Variants in RGL4 observed in about 807,000 individuals in gnomAD.
RGL4 encodes ral guanine nucleotide dissociation stimulator like 4, also known as ral-GDS-related protein.
In RGL4, 41 loss-of-function variants were observed where a neutral mutation model predicts 49.6. The observed-to-expected ratio is 0.83, with a 90% CI of 0.64 to 1.07. The LOEUF (loss-of-function observed/expected upper bound fraction) is 1.07. Among genes scored for constraint, RGL4 ranks in the 50% least tolerant of loss-of-function variants. The probability of loss-of-function intolerance (pLI) is 0.00; values close to 1 mark genes in which losing one functional copy is unlikely to be tolerated. For synonymous variants in RGL4, 255 were observed against 238.0 expected, an observed-to-expected ratio of 1.07 and a Z score of -0.66; for missense variants, 610 against 591.9, an observed-to-expected ratio of 1.03 and a Z score of -0.32.
chr22:23,694,775 G>A, intron 5 of RGL4, 175 bp from the exon 6 acceptor site: 1 of 635,186 alleles, frequency 1.6e-6, no homozygotes, highest in Non-Finnish European at 2.8e-6. Flanking sequence ...GGGGCCCAGG[G>A]GAGGAGCATG....
At position 23,694,490 on chromosome 22, in the gene RGL4, T is replaced by C. The variant is rs950470859; in HGVS notation, c.1016+40T>C. ...CTCCATGGCAGCATCAGGGTTGACC[T>C]AGGGACTCACAGGTCTCCCCCCATG... On this transcript the variant is annotated intron_variant, in intron 5 of 10. Transcript: ENST00000290691. The C allele has an allele frequency of 2.1e-6, 3 of 1,416,684 alleles. No homozygotes were observed. The Admixed American group carries it at 5.3e-5, about 25-fold the overall frequency. 87.8% of individuals were successfully genotyped at this position (1,416,684 alleles called of 1,614,324 possible).
In RGL4 at chr22:23,699,117, A is replaced by G. The variant is rs1481681962; in HGVS notation, c.*234A>G. 4 of 1,508,292 alleles carry G rather than the reference A, an allele frequency of 2.7e-6. No individual in the cohort carries two copies. The highest frequency in any genetic ancestry group is 2.1e-5 in the Admixed American group (1 of 47,234). 93.4% of individuals were successfully genotyped at this position (1,508,292 alleles called of 1,614,324 possible). A position where few individuals can be genotyped will look rare whatever the true frequency, so the allele number is the denominator to read the frequency against. On this transcript the variant is annotated 3_prime_UTR_variant, in exon 11 of 11. Transcript: ENST00000290691. ...ATTTTATGTTTATTTTCTTTAGTGT[A>G]TAAGTAAGGGTTTTTTCTTAACTTT...
In RGL4 at chr22:23,697,246, G is replaced by GT; in HGVS notation, c.1236+2dup. On this transcript the variant is annotated splice_donor_variant, in intron 8 of 10. Coordinates refer to ENST00000290691, the MANE Select transcript of RGL4 (RefSeq NM_153615.2). LOFTEE classifies it high-confidence loss of function. ...TTCGGCCATCCCGGACGACCTGGAT[G>GT]TGAGTGAGCCTGGGGCAGGGTGCTT... 2 of 1,612,666 alleles carry GT rather than the reference G, an allele frequency of 1.2e-6. No homozygotes were observed. The highest frequency in any genetic ancestry group is 1.7e-6 in the Non-Finnish European group (2 of 1,178,834).
At position 23,692,904 on chromosome 22, in the gene RGL4, T is replaced by C. The variant is rs1309826922; in HGVS notation, c.609T>C (p.Ser203=). The change falls in exon 3 of 11, where the codon TCT becomes TCC. Residue 203 remains serine (S), a synonymous_variant. Coordinates refer to ENST00000290691, the MANE Select transcript of RGL4 (RefSeq NM_153615.2). ...APESSCPCRG[S]VKNQPSEELP... ...AGTCCTCCTGTCCCTGTCGTGGGTC[T>C]GTAAAGAACCAACCCAGTGAGGAGC... The C allele has an allele frequency of 1.2e-6, 2 of 1,613,646 alleles. No homozygotes were observed. Among genetic ancestry groups the C allele is most frequent in the Non-Finnish European group, 1.7e-6 (2 of 1,180,028 alleles).
chr22:23,698,038 G>C, intron 9 of RGL4, 174 bp from the exon 10 acceptor site: 1 of 1,170,836 alleles, frequency 8.5e-7, no homozygotes, highest in Non-Finnish European at 1.2e-6. Context: ...TGGAATCAAA[G>C]ACCAATTCCT....
At chr22:23,696,571 AGAG>A (rs1231447234) in intron 6 of RGL4, 40 bp from the exon 7 acceptor site, 2 of 1,612,268 alleles carry the variant, frequency 1.2e-6, no homozygotes, top group African/African-American at 1.3e-5. Context: ...TAACTGGGGG[AGAG>A]GAGGAGAGCC....
intron 3 of RGL4, among the ~76,000 whole-genome samples, 161 bp from the exon 4 acceptor site, chr22:23,693,598 G>C (rs1004836368): frequency 2.0e-5 from 3 of 152,234 alleles, no homozygotes; most frequent in African/African-American, 7.2e-5. Context: ...ACCAAACCCA[G>C]GGACTCCCAC....
At chr22:23,698,178 C>A in intron 9 of RGL4, 34 bp from the exon 10 acceptor site, 1 of 1,586,186 alleles carries the variant, frequency 6.3e-7, no homozygotes, top group Non-Finnish European at 8.6e-7. Context: ...AACTTCCACC[C>A]AGGCCCTGTC....
chr22:23,696,179 C>A (rs1387102158), intron 6 of RGL4: 1 of 626,810 alleles, frequency 1.6e-6, no homozygotes, highest in Admixed American at 4.8e-5. Flanking sequence ...TCTTTGGGGG[C>A]CCTGGGGAGC....
At chr22:23,694,916 C>G in intron 5 of RGL4, 34 bp from the exon 6 acceptor site, 1 of 1,574,804 alleles carries the variant, frequency 6.3e-7, no homozygotes, top group Non-Finnish European at 8.7e-7. Context: ...CCCTGATTCC[C>G]AAATTTACCC....
chr22:23,694,542 T>TG, intron 5 of RGL4, 92 bp downstream of exon 5: 1 of 896,040 alleles, frequency 1.1e-6, no homozygotes, highest in Non-Finnish European at 1.8e-6. Flanking sequence ...GAAAGGTTCT[T>TG]GGAGTCCAGG....
chr22:23,697,987 A>C, intron 9 of RGL4, 126 bp downstream of exon 9: 7 of 1,267,904 alleles, frequency 5.5e-6, no homozygotes, highest in Non-Finnish European at 7.8e-6. Flanking sequence ...TGACACACAC[A>C]GGAGGAGGGG....
chr22:23,692,126 T>TG lies in RGL4; in HGVS notation c.99dup (p.Thr34AspfsTer24). ...AGGGCCTTTGGGAAGAGAATGTCTG[T>TG]GGGACGCCAGGGCGCACGAGGGTCT... is the stretch of plus-strand genomic sequence containing the variant. On this transcript the variant is annotated frameshift_variant, in exon 1 of 11. Transcript: ENST00000290691. LOFTEE classifies it high-confidence loss of function. The TG allele has an allele frequency of 6.2e-7, 1 of 1,614,140 alleles. No homozygotes were observed. The highest frequency in any genetic ancestry group is 8.5e-7 in the Non-Finnish European group (1 of 1,179,996).
intron 7 of RGL4, 32 bp downstream of exon 7, chr22:23,696,720 G>T: frequency 6.3e-7 from 1 of 1,588,340 alleles, no homozygotes. Flanking sequence ...ACGGGCCGCA[G>T]GGGATCAGAG....
intron 6 of RGL4, chr22:23,695,289 G>A (rs1338305656): frequency 1.1e-5 from 5 of 469,024 alleles, no homozygotes; most frequent in Non-Finnish European, 2.0e-5. Context: ...GCTGAGCAGG[G>A]GTGATGAGCT....
At chr22:23,695,351 A>T in intron 6 of RGL4, 1 of 465,956 alleles carries the variant, frequency 2.1e-6, no homozygotes, top group Non-Finnish European at 4.1e-6. Flanking sequence ...GCTGGCATGG[A>T]GCTTCCTCCA....
chr22:23,692,709 G>T lies in RGL4; in HGVS notation c.414G>T (p.Pro138=). 1.2e-6 allele frequency: 2 copies of T among 1,611,670 alleles called. No individual in the cohort carries two copies. The highest frequency in any genetic ancestry group is 1.7e-6 in the Non-Finnish European group (2 of 1,178,986). The change falls in exon 3 of 11, where the codon CCG becomes CCT. Residue 138 remains proline (P), a synonymous_variant. Coordinates refer to ENST00000290691, the MANE Select transcript of RGL4 (RefSeq NM_153615.2). ...CTGGGCAACACGCATTAACAATGCCGGCCCTGGAGCCAGCACCACCACTGC... is the reference window on the plus strand; with the variant it reads ...CTGGGCAACACGCATTAACAATGCCTGCCCTGGAGCCAGCACCACCACTGC... ...PRPGQHALTM[P]ALEPAPPLLA...
At position 23,692,981 on chromosome 22, in the gene RGL4, T is replaced by C; in HGVS notation, c.686T>C (p.Leu229Pro). Residue 229 changes from leucine to proline, a missense_variant, in exon 3 of 11, where the codon CTC (leucine) becomes CCC (proline). Transcript: ENST00000290691. The stretch of plus-strand genomic sequence containing the variant: ...AGGCTGCTGGCAGAGCAGCTGACCC[T>C]CATGGATGCGGTGAGCAGCTGAGCT... ...PPRLLAEQLT[L>P]MDAELFKKVV... 1 of 1,602,634 alleles carries C rather than the reference T, an allele frequency of 6.2e-7. No individual in the cohort carries two copies. Among genetic ancestry groups the C allele is most frequent in the African/African-American group, 1.3e-5 (1 of 74,924 alleles).
At chr22:23,692,551 A>G in intron 2 of RGL4, 23 bp downstream of exon 2, 1 of 1,602,462 alleles carries the variant, frequency 6.2e-7, no homozygotes, top group Non-Finnish European at 8.5e-7. Context: ...GCAGTCTGCA[A>G]GACTTTCCGG....
Sources: gnomAD v4.1 joint callset for allele counts (sites outside exome capture counted in the v4.1 genomes callset) on GRCh38, gnomAD v4.1.1 for gene constraint, MANE v1.5 for transcripts, NCBI Gene and HGNC (gene_info 2026-07-23, HGNC 2026-07-21) for gene names.